EBF1: variants seen among roughly 807,000 people sequenced by gnomAD.
EBF1 encodes EBF transcription factor 1, also known as transcription factor COE1.
Under a neutral mutation model 68.4 loss-of-function variants are expected in EBF1, and 10 were observed. That is an observed-to-expected ratio of 0.15 (90% CI 0.09 to 0.25). EBF1 has a LOEUF of 0.25. Ranked by LOEUF, EBF1 falls within the 10% of genes least tolerant of loss-of-function variation. EBF1 has a pLI of 1.00. For synonymous variants in EBF1, 298 were observed against 299.8 expected, an observed-to-expected ratio of 0.99 and a Z score of 0.06; for missense variants, 509 against 794.4, an observed-to-expected ratio of 0.64 and a Z score of 4.32.
intron 10 of EBF1, among the ~76,000 whole-genome samples, chr5:158,744,809 T>C (rs1228073809): frequency 6.6e-6 from 1 of 152,204 alleles, no homozygotes; most frequent in Non-Finnish European, 1.5e-5. Context: ...CGGAAACAAC[T>C]ATGATGATAA....
intron 6 of EBF1, among the ~76,000 whole-genome samples, chr5:158,998,338 C>CCCCTA (rs1253196531): frequency 1.3e-5 from 2 of 152,174 alleles, no homozygotes; most frequent in African/African-American, 4.8e-5. Flanking sequence ...TCTAAAACTG[C>CCCCTA]CCCTACTCCG....
intron 8 of EBF1, among the ~76,000 whole-genome samples, chr5:158,798,193 T>G (rs1406583552): frequency 6.6e-6 from 1 of 152,180 alleles, no homozygotes; most frequent in Non-Finnish European, 1.5e-5. Context: ...GTCTACTTAG[T>G]TGCTAGAATG....
intron 6 of EBF1, among the ~76,000 whole-genome samples, chr5:159,061,707 C>T (rs979204459): frequency 6.6e-6 from 1 of 151,714 alleles, no homozygotes; most frequent in Non-Finnish European, 1.5e-5. Flanking sequence ...TCACTGATGA[C>T]ACATCACAAT....
chr5:159,084,643 G>A (rs376713977), intron 5 of EBF1, 23 bp downstream of exon 5: 5 of 1,531,274 alleles, frequency 3.3e-6, no homozygotes, highest in Non-Finnish European at 4.4e-6. Context: ...CTAATTAACG[G>A]GAGAGACCAA....
At chr5:158,730,006 A>G (rs1345428903) in intron 11 of EBF1, among the ~76,000 whole-genome samples, 1 of 152,226 alleles carries the variant, frequency 6.6e-6, no homozygotes. Context: ...CTGATACTCC[A>G]AGGAGGTTCA....
At chr5:158,861,935 T>C (rs1217792617) in intron 6 of EBF1, among the ~76,000 whole-genome samples, 1 of 152,166 alleles carries the variant, frequency 6.6e-6, no homozygotes, top group Non-Finnish European at 1.5e-5. Context: ...TACATACAAA[T>C]TTAATAACCA....
intron 8 of EBF1, among the ~76,000 whole-genome samples, chr5:158,802,517 T>C (rs1780793145): frequency 6.6e-6 from 1 of 152,148 alleles, no homozygotes; most frequent in African/African-American, 2.4e-5. Flanking sequence ...TCTCTATTAG[T>C]GAGCATTTCT....
At chr5:159,061,027 C>T (rs1267565213) in intron 6 of EBF1, among the ~76,000 whole-genome samples, 3 of 151,812 alleles carry the variant, frequency 2.0e-5, no homozygotes, top group Non-Finnish European at 4.4e-5. Context: ...TGATTGTAAT[C>T]ACTGTAGGAA....
chr5:158,838,847 C>T (rs1243452414), intron 7 of EBF1, among the ~76,000 whole-genome samples: 1 of 151,854 alleles, frequency 6.6e-6, no homozygotes, highest in African/African-American at 2.4e-5. Flanking sequence ...ATAAATGGAT[C>T]GTTGCTCTGA....
At chr5:158,945,325 G>C (rs1176085270) in intron 6 of EBF1, among the ~76,000 whole-genome samples, 2 of 152,176 alleles carry the variant, frequency 1.3e-5, no homozygotes, top group East Asian at 3.8e-4. Flanking sequence ...TTATTAAATA[G>C]GGGATTCTTT....
intron 6 of EBF1, among the ~76,000 whole-genome samples, chr5:158,955,526 AC>A (rs1196452849): frequency 6.6e-6 from 1 of 152,132 alleles, no homozygotes; most frequent in Non-Finnish European, 1.5e-5. Context: ...CCAGAGTGAG[AC>A]CTGGAATGTG....
intron 10 of EBF1, among the ~76,000 whole-genome samples, chr5:158,747,199 G>A (rs2127583039): frequency 6.6e-6 from 1 of 152,310 alleles, no homozygotes. Flanking sequence ...AAACTCAAAT[G>A]TTGGAGCCGA....
intron 6 of EBF1, among the ~76,000 whole-genome samples, chr5:158,927,542 C>A (rs768766536): frequency 7.2e-5 from 11 of 152,142 alleles, no homozygotes; most frequent in Non-Finnish European, 1.6e-4. Context: ...TCTAATAATA[C>A]AGGAATTAAA....
intron 8 of EBF1, among the ~76,000 whole-genome samples, chr5:158,800,637 T>C (rs1561964161): frequency 1.3e-5 from 2 of 152,154 alleles, no homozygotes; most frequent in African/African-American, 4.8e-5. Flanking sequence ...CCTCCCCTTC[T>C]CTCCTCATTT....
chr5:158,703,536 C>A (rs1471888553), intron 15 of EBF1, among the ~76,000 whole-genome samples: 1 of 150,452 alleles, frequency 6.6e-6, no homozygotes, highest in Non-Finnish European at 1.5e-5. Flanking sequence ...TTTTTGACTA[C>A]CATATTTTTA....
In EBF1 at chr5:158,755,332, C is replaced by A. The variant is rs115299573; in HGVS notation, c.1036+22081G>T. 5.6e-3 allele frequency among the ~76,000 whole-genome samples: 848 copies of A among 152,178 alleles called. 7 individuals carry two copies. Among genetic ancestry groups the A allele is most frequent in the African/African-American group, 0.02 (816 of 41,528 alleles). On this transcript the variant is annotated intron_variant, in intron 10 of 15. Transcript: ENST00000313708. ...CCACTTCTCTAGTTCCCTGGACTCC[C>A]AGGTTAGGCTGTCTTCTCCCTAGCC...
chr5:159,026,604 GA>G (rs113750676), intron 6 of EBF1, among the ~76,000 whole-genome samples: 3 of 152,180 alleles, frequency 2.0e-5, no homozygotes, highest in African/African-American at 7.2e-5. Context: ...CCCCAGCACA[GA>G]AAAAAATCCA....
intron 3 of EBF1, 100 bp from the exon 4 acceptor site, chr5:159,095,775 C>T: frequency 2.4e-6 from 3 of 1,265,662 alleles, no homozygotes; most frequent in Admixed American, 4.0e-5. Context: ...ACAAAACCCC[C>T]ACACACATAT....
intron 8 of EBF1, among the ~76,000 whole-genome samples, chr5:158,818,012 C>T (rs1475148566): frequency 9.9e-5 from 15 of 152,190 alleles, no homozygotes; most frequent in Admixed American, 9.8e-4. Flanking sequence ...TGCAGAAAGT[C>T]ATGTGCCAAT....
Sources: gnomAD v4.1 joint callset for allele counts (sites outside exome capture counted in the v4.1 genomes callset) on GRCh38, gnomAD v4.1.1 for gene constraint, MANE v1.5 for transcripts, NCBI Gene and HGNC (gene_info 2026-07-23, HGNC 2026-07-21) for gene names.